The following JAKMIP1 variants were observed in gnomAD, a reference collection of about 807,000 sequenced individuals.
JAKMIP1 encodes janus kinase and microtubule interacting protein 1, also known as janus kinase and microtubule-interacting protein 1.
A neutral mutation model predicts 113.0 loss-of-function variants in JAKMIP1; 33 were observed. The ratio of observed to expected loss-of-function variants is 0.29; its 90% CI spans 0.22 to 0.39. The LOEUF is 0.39. JAKMIP1 is among the 10% of genes least tolerant of loss of function. JAKMIP1 has a pLI of 1.00. For missense variants in JAKMIP1, 813 were observed against 1,080.5 expected, an observed-to-expected ratio of 0.75 and a Z score of 3.47; for synonymous variants, 480 against 459.9, an observed-to-expected ratio of 1.04 and a Z score of -0.56.
At position 6,178,119 on chromosome 4, in the gene JAKMIP1, G is replaced by C. The variant is rs891701079; in HGVS notation, c.-148+22134C>G. Among the ~76,000 whole-genome samples, 1 of 152,226 alleles carries C rather than the reference G, an allele frequency of 6.6e-6. No individual in the cohort carries two copies. The highest frequency in any genetic ancestry group is 6.5e-5 in the Admixed American group (1 of 15,286). On this transcript the variant is annotated intron_variant, in intron 1 of 20. Coordinates refer to ENST00000409021, the MANE Select transcript of JAKMIP1 (RefSeq NM_001099433.2). The surrounding 1 kb of genome is among the most constrained non-coding windows in gnomAD (Gnocchi z 5.5). ...GTCCCCGACCCTCCTCCCTGGAGGGGAGGGATAGGAAAGAAGGAAACAGAA... is the reference window on the plus strand; with the variant it reads ...GTCCCCGACCCTCCTCCCTGGAGGGCAGGGATAGGAAAGAAGGAAACAGAA...
At position 6,166,976 on chromosome 4, in the gene JAKMIP1, C is replaced by T. The variant is rs541445698; in HGVS notation, c.-148+33277G>A. Among the ~76,000 whole-genome samples the T allele has an allele frequency of 7.3e-5, 11 of 151,052 alleles. No homozygotes were observed. The East Asian group carries it at 1.8e-3, about 25-fold the overall frequency. ...TCCACAAAGCAAACCTGCCTCTGATCGTCATTCAGAATAGGGGTTATAATG... is the reference window on the plus strand; with the variant it reads ...TCCACAAAGCAAACCTGCCTCTGATTGTCATTCAGAATAGGGGTTATAATG... On this transcript the variant is annotated intron_variant, in intron 1 of 20. Transcript: ENST00000409021.
At chr4:6,032,157 T>C (rs1372643138) in intron 19 of JAKMIP1, among the ~76,000 whole-genome samples, 1 of 152,188 alleles carries the variant, frequency 6.6e-6, no homozygotes. Context: ...GTAATGTCTG[T>C]GTGGGACCCC....
Position 6,088,641 on chromosome 4 carries a change from C to G in JAKMIP1, c.625-3012G>C, listed in dbSNP as rs1042611507. On this transcript the variant is annotated intron_variant, in intron 3 of 20. Coordinates refer to ENST00000409021, the MANE Select transcript of JAKMIP1 (RefSeq NM_001099433.2). This position sits in a 1 kb window ranked among gnomAD's most constrained non-coding sequence, Gnocchi z 5.5. Reference sequence around the variant, plus strand: ...GCCAATGCAGAACACATTCCGGAGCCAGCATGAGAGTCCTGAGGCCCCAGA... The same window carrying G: ...GCCAATGCAGAACACATTCCGGAGCGAGCATGAGAGTCCTGAGGCCCCAGA... 1.3e-5 allele frequency among the ~76,000 whole-genome samples: 2 copies of G among 152,186 alleles called. No individual in the cohort carries two copies. Among genetic ancestry groups the G allele is most frequent in the African/African-American group, 4.8e-5 (2 of 41,454 alleles).
chr4:6,068,111 G>C (rs1578143007), intron 8 of JAKMIP1, among the ~76,000 whole-genome samples: 1 of 152,212 alleles, frequency 6.6e-6, no homozygotes, highest in African/African-American at 2.4e-5. Flanking sequence ...TGAAGGCTCT[G>C]CAGGACTACC....
At position 6,200,222 on chromosome 4, in the gene JAKMIP1, G is replaced by T. The variant is rs1164170070; in HGVS notation, c.-148+31C>A. The T allele has an allele frequency of 6.6e-6, 1 of 151,306 alleles. No homozygotes were observed. Among genetic ancestry groups the T allele is most frequent in the Non-Finnish European group, 1.5e-5 (1 of 67,844 alleles). 9.4% of individuals were successfully genotyped at this position (151,306 alleles called of 1,614,324 possible). On this transcript the variant is annotated intron_variant, in intron 1 of 20. Coordinates refer to ENST00000409021, the MANE Select transcript of JAKMIP1 (RefSeq NM_001099433.2). The surrounding 1 kb of genome is among the most constrained non-coding windows in gnomAD (Gnocchi z 7.0). ...CACGGGTTCCCTCTGGCCAGCGCTC[G>T]CCTCCCGCCCCCCGGCGCACCTGTA...
chr4:6,114,793 G>A (rs1475436359), intron 1 of JAKMIP1, among the ~76,000 whole-genome samples: 2 of 152,192 alleles, frequency 1.3e-5, no homozygotes, highest in African/African-American at 4.8e-5. Context: ...CGGCTGACCT[G>A]CCGCTTTTAT....
intron 1 of JAKMIP1, among the ~76,000 whole-genome samples, chr4:6,147,939 A>C (rs1721053537): frequency 6.6e-6 from 1 of 152,278 alleles, no homozygotes; most frequent in Admixed American, 6.5e-5. Flanking sequence ...TGCTGTTCTC[A>C]GCACTGGGAA....
Position 6,153,287 on chromosome 4 carries a change from G to C in JAKMIP1, c.-147-40290C>G, listed in dbSNP as rs550537281. Among the ~76,000 whole-genome samples the C allele has an allele frequency of 8.1e-4, 123 of 152,334 alleles. No individual in the cohort carries two copies. The Middle Eastern group carries it at 0.01, about 13-fold the overall frequency. On this transcript the variant is annotated intron_variant, in intron 1 of 20. Transcript: ENST00000409021. This position sits in a 1 kb window ranked among gnomAD's most constrained non-coding sequence, Gnocchi z 4.9. ...CCTCAGCTCCAGGGGTCTTCCCCGA[G>C]CCTGGCCTCCTTCACACAGGCCTTG...
chr4:6,169,311 T>A (rs1724042099), intron 1 of JAKMIP1, among the ~76,000 whole-genome samples: 1 of 152,120 alleles, frequency 6.6e-6, no homozygotes, highest in Non-Finnish European at 1.5e-5. Context: ...GGGCCCTTTA[T>A]TCAGTACAGC....
rs113382052 is a variant in JAKMIP1, at chr4:6,036,246, G to C, written c.2176-139C>G. 2.5e-3 allele frequency: 1,655 copies of C among 657,304 alleles called. 24 individuals are homozygous for C. The African/African-American group carries it at 0.026, about 10-fold the overall frequency. The allele number at this position is 657,304 out of a possible 1,614,324, so 40.7% of individuals were successfully genotyped here. A position where few individuals can be genotyped will look rare whatever the true frequency, so the allele number is the denominator to read the frequency against. ...GGGCAACTGGCAGGGGCCAAGCACA[G>C]GGCCAGCAGTGCCCGGGGGAGCAGG... On this transcript the variant is annotated intron_variant, in intron 18 of 20. Transcript: ENST00000409021.
Position 6,050,430 on chromosome 4 carries a change from C to T in JAKMIP1, c.1908+148G>A, listed in dbSNP as rs908326220. The T allele has an allele frequency of 6.3e-6, 4 of 635,894 alleles. No homozygotes were observed. The highest frequency in any genetic ancestry group is 1.1e-5 in the Non-Finnish European group (4 of 359,756). The allele number at this position is 635,894 out of a possible 1,614,324, so 39.4% of individuals were successfully genotyped here. A position where few individuals can be genotyped will look rare whatever the true frequency, so the allele number is the denominator to read the frequency against. The stretch of plus-strand genomic sequence containing the variant: ...CAAAATAGAGTCACATTTGGTGACC[C>T]TTTAATAAATGGACAAACTGTGACT... On this transcript the variant is annotated intron_variant, in intron 14 of 20. Transcript: ENST00000409021. The surrounding 1 kb of genome is among the most constrained non-coding windows in gnomAD (Gnocchi z 7.4).
intron 1 of JAKMIP1, among the ~76,000 whole-genome samples, chr4:6,146,707 T>C (rs1468853718): frequency 2.0e-5 from 3 of 152,244 alleles, no homozygotes; most frequent in Non-Finnish European, 4.4e-5. Flanking sequence ...ATGTTACATG[T>C]AGAGGATCTG....
chr4:6,096,024 C>A (rs1007741070), intron 3 of JAKMIP1, among the ~76,000 whole-genome samples: 2 of 152,170 alleles, frequency 1.3e-5, no homozygotes, highest in African/African-American at 2.4e-5. Context: ...CCTCCCTGAA[C>A]AAGGGACACT....
At chr4:6,090,096 C>T (rs551276435) in intron 3 of JAKMIP1, among the ~76,000 whole-genome samples, 2 of 152,122 alleles carry the variant, frequency 1.3e-5, no homozygotes, top group East Asian at 3.9e-4. Flanking sequence ...GTGGTGCATG[C>T]CTGTAATCCC....
rs1721923290 is a variant in JAKMIP1 at position 6,153,969 on chromosome 4, T to A, written c.-147-40972A>T. 6.6e-6 allele frequency among the ~76,000 whole-genome samples: 1 copy of A among 152,208 alleles called. No homozygotes were observed. ...GAAAGTCTGGATCCTGCCTCTTACT[T>A]GTCACAGAGTCTGCCCAGGTCTTGT... On this transcript the variant is annotated intron_variant, in intron 1 of 20. Coordinates refer to ENST00000409021, the MANE Select transcript of JAKMIP1 (RefSeq NM_001099433.2). The surrounding 1 kb of genome is among the most constrained non-coding windows in gnomAD (Gnocchi z 4.9).
intron 1 of JAKMIP1, among the ~76,000 whole-genome samples, chr4:6,161,021 C>G (rs1722859277): frequency 6.9e-6 from 1 of 144,124 alleles, no homozygotes. Flanking sequence ...CACCTCCACT[C>G]ACCTCCCTGA....
chr4:6,189,870 C>T (rs1489082241), intron 1 of JAKMIP1, among the ~76,000 whole-genome samples: 2 of 152,178 alleles, frequency 1.3e-5, no homozygotes, highest in African/African-American at 4.8e-5. Flanking sequence ...GTGCAAAGGC[C>T]TGGCTCAGTC....
Position 6,029,700 on chromosome 4 carries a change from A to T in JAKMIP1, c.2445+16T>A. 1 of 1,566,468 alleles carries T rather than the reference A, an allele frequency of 6.4e-7. No homozygotes were observed. The highest frequency in any genetic ancestry group is 8.7e-7 in the Non-Finnish European group (1 of 1,144,198). Reference sequence around the variant, plus strand: ...TGGAAAGAAACCTGGGGACAGTCTGAGCTGCAGTCACCTACCTTTTCCTCC... The same window carrying T: ...TGGAAAGAAACCTGGGGACAGTCTGTGCTGCAGTCACCTACCTTTTCCTCC... On this transcript the variant is annotated intron_variant, in intron 20 of 20. Coordinates refer to ENST00000409021, the MANE Select transcript of JAKMIP1 (RefSeq NM_001099433.2).
Position 6,049,841 on chromosome 4 carries a change from A to G in JAKMIP1, c.1940T>C (p.Leu647Ser). The G allele has an allele frequency of 1.2e-6, 2 of 1,613,004 alleles. No individual in the cohort carries two copies. Among genetic ancestry groups the G allele is most frequent in the Non-Finnish European group, 1.7e-6 (2 of 1,179,048 alleles). The change falls in exon 15 of 21, where the codon TTA becomes TCA. Residue 647 changes from leucine to serine, a missense_variant. Leu to Ser is a moderately radical substitution (Grantham distance 145). Coordinates refer to ENST00000409021, the MANE Select transcript of JAKMIP1 (RefSeq NM_001099433.2). This position sits in a 1 kb window ranked among gnomAD's most constrained non-coding sequence, Gnocchi z 7.0. ...TACCCCGTTATCGCCAAGGATATCTAATTTCTTCATAAGTTCAGAAACATT... is the reference window on the plus strand; with the variant it reads ...TACCCCGTTATCGCCAAGGATATCTGATTTCTTCATAAGTTCAGAAACATT... The part of the protein sequence containing the change: ...DVNVSELMKK[L>S]DILGDNGNLR...
Sources: allele counts gnomAD v4.1 joint callset (sites outside exome capture counted in the v4.1 genomes callset), GRCh38; gene constraint gnomAD v4.1.1; non-coding constraint Gnocchi (gnomAD v3.1); transcripts MANE v1.5; gene names NCBI Gene and HGNC (gene_info 2026-07-23, HGNC 2026-07-21).